MINAR1: variants seen among roughly 807,000 people sequenced by gnomAD.
MINAR1 encodes the protein major intrinsically disordered Notch2-binding receptor 1.
MINAR1 carries 40 observed loss-of-function variants against 65.1 expected under a neutral mutation model. The ratio of observed to expected loss-of-function variants is 0.61; its 90% CI spans 0.48 to 0.80. MINAR1 has a LOEUF of 0.80. Ranked by LOEUF, MINAR1 falls within the 30% of genes least tolerant of loss-of-function variation. MINAR1 has a pLI of 0.00. For synonymous variants in MINAR1, 482 were observed against 449.1 expected, an observed-to-expected ratio of 1.07 and a Z score of -0.93; for missense variants, 1,128 against 1,148.0, an observed-to-expected ratio of 0.98 and a Z score of 0.25.
At chr15:79,431,268 TTTTG>T (rs1306981742), upstream of MINAR1, among the ~76,000 whole-genome samples, 1 of 152,098 alleles carries the variant, frequency 6.6e-6, no homozygotes, top group African/African-American at 2.4e-5. Flanking sequence ...CCCTCACCCT[TTTTG>T]TTTGTGTTGT....
intron 1 of MINAR1, among the ~76,000 whole-genome samples, chr15:79,448,997 A>C (rs12439638): frequency 0.54 from 82,599 of 152,062 alleles, 23,485 homozygotes; most frequent in Admixed American, 0.64. Flanking sequence ...GGACAGCAAC[A>C]ACATTTATCA....
At chr15:79,428,353 G>C (rs1894363373), upstream of MINAR1, among the ~76,000 whole-genome samples, 1 of 43,300 alleles carries the variant, frequency 2.3e-5, no homozygotes, top group Non-Finnish European at 3.9e-5. Flanking sequence ...ATCCCTCCTT[G>C]CCTCCTTTTC....
chr15:79,411,536 A>G, the MINAR1 span: 3 of 700,688 alleles, frequency 4.3e-6, no homozygotes, highest in Admixed American at 6.0e-5. Context: ...CTGAGAGTGG[A>G]TGGAGGGAAG....
chr15:79,431,401 G>C (rs1007497085), upstream of MINAR1, among the ~76,000 whole-genome samples: 1 of 152,154 alleles, frequency 6.6e-6, no homozygotes, highest in African/African-American at 2.4e-5. Context: ...CCAGCACACA[G>C]GGTGACACGG....
At chr15:79,459,233 C>G (rs1415815929) in intron 2 of MINAR1, among the ~76,000 whole-genome samples, 2 of 152,192 alleles carry the variant, frequency 1.3e-5, no homozygotes, top group Non-Finnish European at 2.9e-5. Context: ...GACGGCAACT[C>G]TTAATCTGGT....
Position 79,432,482 on chromosome 15 carries a change from C to A in MINAR1, c.-109C>A, listed in dbSNP as rs1161492825. Reference sequence around the variant, plus strand: ...CATCGGAGGCCGTGCGGACCACTGCCGAACAGCCGCTGGAGACCCGCAGAG... The same window carrying A: ...CATCGGAGGCCGTGCGGACCACTGCAGAACAGCCGCTGGAGACCCGCAGAG... On this transcript the variant is annotated 5_prime_UTR_variant, in exon 1 of 4. Coordinates refer to ENST00000305428, the MANE Select transcript of MINAR1 (RefSeq NM_015206.3). 6.6e-6 allele frequency: 1 copy of A among 152,238 alleles called. No individual in the cohort carries two copies. The highest frequency in any genetic ancestry group is 1.5e-5 in the Non-Finnish European group (1 of 68,078). 9.4% of individuals were successfully genotyped at this position (152,238 alleles called of 1,614,324 possible).
intron 1 of MINAR1, among the ~76,000 whole-genome samples, chr15:79,443,146 C>T (rs1315301630): frequency 6.6e-6 from 1 of 152,162 alleles, no homozygotes; most frequent in East Asian, 1.9e-4. Context: ...GGGAGCTGCA[C>T]TTAGAAACAG....
chr15:79,437,376 G>A (rs1257240039), intron 1 of MINAR1, among the ~76,000 whole-genome samples: 1 of 151,492 alleles, frequency 6.6e-6, no homozygotes, highest in Non-Finnish European at 1.5e-5. Context: ...GTAGTGAGTG[G>A]ATGTGGTGGG....
At position 79,469,580 on chromosome 15, in the gene MINAR1, C is replaced by CTTGATTTTTAT. The variant is rs2141314160; in HGVS notation, c.*1199_*1209dup. ...ATATGTCTATCTATCTATCTAAATA[C>CTTGATTTTTAT]TTGATTTTTATTTATTGTCTTCTCT... On this transcript the variant is annotated 3_prime_UTR_variant, in exon 4 of 4. Coordinates refer to ENST00000305428, the MANE Select transcript of MINAR1 (RefSeq NM_015206.3). 6.6e-6 allele frequency: 1 copy of CTTGATTTTTAT among 152,464 alleles called. No homozygotes were observed. Among genetic ancestry groups the CTTGATTTTTAT allele is most frequent in the African/African-American group, 2.4e-5 (1 of 41,412 alleles). 9.4% of individuals were successfully genotyped at this position (152,464 alleles called of 1,614,324 possible). A position where few individuals can be genotyped will look rare whatever the true frequency, so the allele number is the denominator to read the frequency against.
the MINAR1 span, chr15:79,414,004 G>A: frequency 6.6e-6 from 1 of 152,192 alleles, no homozygotes; most frequent in East Asian, 1.9e-4. Context: ...CTAGGGGGAG[G>A]TGGGGTATGT....
intron 2 of MINAR1, among the ~76,000 whole-genome samples, chr15:79,461,614 C>A (rs1895642989): frequency 6.6e-6 from 1 of 152,120 alleles, no homozygotes; most frequent in Non-Finnish European, 1.5e-5. Flanking sequence ...GTGGGTTTAT[C>A]CTGTGTTCTC....
Position 79,472,224 on chromosome 15 carries a change from T to C in MINAR1, c.*3840T>C, listed in dbSNP as rs892794392. The stretch of plus-strand genomic sequence containing the variant: ...AATGGCTTGTGTAAAATTTGGTTAA[T>C]GTACAATGGTTGGTTTGAAGCTATC... On this transcript the variant is annotated 3_prime_UTR_variant, in exon 4 of 4. Transcript: ENST00000305428. 2 of 152,638 alleles carry C rather than the reference T, an allele frequency of 1.3e-5. No individual in the cohort carries two copies. Among genetic ancestry groups the C allele is most frequent in the African/African-American group, 2.4e-5 (1 of 41,456 alleles). The allele number at this position is 152,638 out of a possible 1,614,324, so 9.5% of individuals were successfully genotyped here. A position where few individuals can be genotyped will look rare whatever the true frequency, so the allele number is the denominator to read the frequency against.
At chr15:79,430,479 C>T (rs970501129), upstream of MINAR1, among the ~76,000 whole-genome samples, 2 of 152,126 alleles carry the variant, frequency 1.3e-5, no homozygotes, top group Non-Finnish European at 2.9e-5. Flanking sequence ...AAATAATCTG[C>T]CCCTGAACTC....
intron 2 of MINAR1, among the ~76,000 whole-genome samples, chr15:79,459,308 G>GAGC (rs1299932808): frequency 3.3e-5 from 5 of 152,090 alleles, no homozygotes; most frequent in Non-Finnish European, 7.4e-5. Flanking sequence ...TTTCACGTAA[G>GAGC]CTCTGTGCTT....
At position 79,457,093 on chromosome 15, in the gene MINAR1, G is replaced by A. The variant is rs1349994511; in HGVS notation, c.946G>A (p.Val316Met). 6.2e-7 allele frequency: 1 copy of A among 1,614,018 alleles called. No homozygotes were observed. The highest frequency in any genetic ancestry group is 1.3e-5 in the African/African-American group (1 of 74,916). ...MPYNSQYLNP[V>M]YSPVPDKRRA... ...CTATAACAGCCAGTACCTGAATCCA[G>A]TGTATTCCCCGGTTCCTGACAAAAG... The change falls in exon 2 of 4, where the codon GTG becomes ATG. Residue 316 changes from valine (V) to methionine (M), a missense_variant. Val to Met is a conservative substitution (Grantham distance 21, BLOSUM62 1). Transcript: ENST00000305428.
chr15:79,418,253 A>G, the MINAR1 span: 1 of 152,256 alleles, frequency 6.6e-6, no homozygotes, highest in Non-Finnish European at 1.5e-5. Flanking sequence ...TCTTGCCCAG[A>G]TCTTCCATTT....
In MINAR1 at chr15:79,470,072, T is replaced by C. The variant is rs183017899; in HGVS notation, c.*1688T>C. The C allele has an allele frequency of 2.0e-5, 3 of 152,710 alleles. No individual in the cohort carries two copies. Among genetic ancestry groups the C allele is most frequent in the Admixed American group, 2.0e-4 (3 of 15,292 alleles). 9.5% of individuals were successfully genotyped at this position (152,710 alleles called of 1,614,324 possible). A position where few individuals can be genotyped will look rare whatever the true frequency, so the allele number is the denominator to read the frequency against. On this transcript the variant is annotated 3_prime_UTR_variant, in exon 4 of 4. Coordinates refer to ENST00000305428, the MANE Select transcript of MINAR1 (RefSeq NM_015206.3). ...GGTGAACCTTTATTTTTAGAAGTCT[T>C]CATGTTATCTATTTGTATTATCATG...
rs1192250566 is a variant in MINAR1 at position 79,461,234 on chromosome 15, A to G, written c.2299-1833A>G. On this transcript the variant is annotated intron_variant, in intron 2 of 3. Transcript: ENST00000305428. ...CATCTTAGAAGTGAAAACAGTTTCAAATCCTGGCTCTGCCACTTACCAGCT... is the reference window on the plus strand; with the variant it reads ...CATCTTAGAAGTGAAAACAGTTTCAGATCCTGGCTCTGCCACTTACCAGCT... Among the ~76,000 whole-genome samples, 3 of 152,364 alleles carry G rather than the reference A, an allele frequency of 2.0e-5. No individual in the cohort carries two copies. In the East Asian group the frequency reaches 5.8e-4, roughly 29 times the overall value.
intron 1 of MINAR1, among the ~76,000 whole-genome samples, chr15:79,450,141 C>T (rs931049175): frequency 6.6e-6 from 1 of 152,180 alleles, no homozygotes; most frequent in African/African-American, 2.4e-5. Context: ...ACAGTTCTGC[C>T]ACTAGCTCTA....
Sources: gnomAD v4.1 joint callset for allele counts (sites outside exome capture counted in the v4.1 genomes callset) on GRCh38, gnomAD v4.1.1 for gene constraint, MANE v1.5 for transcripts, NCBI Gene and HGNC (gene_info 2026-07-23, HGNC 2026-07-21) for gene names.